The following ANK1 variants were observed in gnomAD, a reference collection of about 807,000 sequenced individuals.
ANK1 encodes ankyrin 1.
A neutral mutation model predicts 210.4 loss-of-function variants in ANK1; 51 were observed. The observed-to-expected ratio is 0.24, with a 90% confidence interval of 0.19 to 0.31. The LOEUF (loss-of-function observed/expected upper bound fraction) is 0.31. Ranked by LOEUF, ANK1 falls within the 10% of genes least tolerant of loss-of-function variation. The pLI, the probability that ANK1 is intolerant of heterozygous loss-of-function variation, is 1.00. For synonymous variants in ANK1, 967 were observed against 1,025.9 expected (o/e 0.94, Z 1.10); for missense variants, 2,051 against 2,504.4 (o/e 0.82, Z 3.86).
intron 37 of ANK1, among the ~76,000 whole-genome samples, chr8:41,682,204 C>G (rs544548797): frequency 6.6e-6 from 1 of 152,154 alleles, no homozygotes; most frequent in Non-Finnish European, 1.5e-5. Flanking sequence ...CCTCCAGCCC[C>G]GTCCTGTGAA....
Position 41,722,599 on chromosome 8 carries a change from A to G in ANK1, c.909+526T>C, listed in dbSNP as rs1829545322. Reference sequence around the variant, plus strand: ...TCTCTGGCCCGTAATGGAACCTGAGAAGAACTGTGTTCTTTTCTTTTTAAC... The same window carrying G: ...TCTCTGGCCCGTAATGGAACCTGAGGAGAACTGTGTTCTTTTCTTTTTAAC... On this transcript the variant is annotated intron_variant, in intron 9 of 42. Transcript: ENST00000289734. Among the ~76,000 whole-genome samples the G allele has an allele frequency of 3.9e-5, 6 of 152,306 alleles. 1 individual carries two copies. The South Asian group carries it at 1.2e-3, about 32-fold the overall frequency.
At position 41,854,403 on chromosome 8, in the gene ANK1, C is replaced by T. The variant is rs574576016; in HGVS notation, c.126+41952G>A. Among the ~76,000 whole-genome samples, 7 of 152,278 alleles carry T rather than the reference C, an allele frequency of 4.6e-5. No individual in the cohort carries two copies. In the East Asian group the frequency reaches 9.7e-4, roughly 21 times the overall value. On this transcript the variant is annotated intron_variant, in intron 1 of 42. Transcript: ENST00000265709. Reference sequence around the variant, plus strand: ...CAATCAAGGAGCCAAATAATTCCAGCGGAACCCTCTATTTCACCTGATTGT... The same window carrying T: ...CAATCAAGGAGCCAAATAATTCCAGTGGAACCCTCTATTTCACCTGATTGT...
At chr8:41,786,360 C>A (rs1273203737) in intron 1 of ANK1, among the ~76,000 whole-genome samples, 1 of 152,208 alleles carries the variant, frequency 6.6e-6, no homozygotes, top group African/African-American at 2.4e-5. Flanking sequence ...CCACCCAGGT[C>A]ACAGTCATAA....
At chr8:41,843,396 C>T (rs991582339) in intron 1 of ANK1, among the ~76,000 whole-genome samples, 1 of 149,202 alleles carries the variant, frequency 6.7e-6, no homozygotes, top group African/African-American at 2.5e-5. Flanking sequence ...CTCTTCATTT[C>T]CCCCCCACCC....
intron 2 of ANK1, among the ~76,000 whole-genome samples, chr8:41,752,233 C>A (rs1324483469): frequency 1.3e-5 from 2 of 152,190 alleles, no homozygotes; most frequent in East Asian, 3.8e-4. Context: ...ATTTCCTTCA[C>A]CAGCATGCAC....
At chr8:41,723,669 T>G in intron 7 of ANK1, 36 bp from the exon 8 acceptor site, 1 of 1,596,448 alleles carries the variant, frequency 6.3e-7, no homozygotes, top group Non-Finnish European at 8.5e-7. Flanking sequence ...GGGCGCGTCA[T>G]CCTTCCCTGG....
In ANK1 at chr8:41,672,565, C is replaced by A. The variant is rs772197636; in HGVS notation, c.4885G>T (p.Asp1629Tyr). 7 of 1,614,130 alleles carry A rather than the reference C, an allele frequency of 4.3e-6. No individual in the cohort carries two copies. In the African/African-American group the frequency reaches 9.3e-5, roughly 22 times the overall value. The change falls in exon 38 of 43, where the codon GAT (aspartate) becomes TAT (tyrosine). Residue 1629 changes from aspartate (D) to tyrosine (Y), a missense_variant. Physicochemically the swap from Asp to Tyr is radical, Grantham distance 160. Transcript: ENST00000289734. ...AAATCGATAAGGCCATTTGTGGCAT[C>A]TGAATCCACTGTGTCGTCCTCCACA... ...ELVEDDTVDS[D>Y]ATNGLIDLLE...
chr8:41,895,168 TTCTC>T (rs1356645279), intron 1 of ANK1, among the ~76,000 whole-genome samples: 2 of 152,164 alleles, frequency 1.3e-5, no homozygotes, highest in African/African-American at 4.8e-5. Flanking sequence ...CCAAACTTCT[TTCTC>T]GGAATGAGAC....
intron 1 of ANK1, among the ~76,000 whole-genome samples, chr8:41,782,906 T>C (rs572108270): frequency 6.6e-6 from 1 of 152,288 alleles, no homozygotes; most frequent in African/African-American, 2.4e-5. Flanking sequence ...CTAACTACTG[T>C]AATCTAAATG....
In ANK1 at chr8:41,770,473, C is replaced by A. The variant is rs540521070; in HGVS notation, c.28-12336G>T. On this transcript the variant is annotated intron_variant, in intron 1 of 42. Transcript: ENST00000289734. ...ACATTCCCAGTCGCATTTTGGTACT[C>A]GGTTCTTATAATTCTTAAGCTGTAT... 5.9e-5 allele frequency among the ~76,000 whole-genome samples: 9 copies of A among 152,318 alleles called. No individual in the cohort carries two copies. The East Asian group carries it at 1.7e-3, about 29-fold the overall frequency.
At chr8:41,692,525 C>T in intron 31 of ANK1, 123 bp downstream of exon 31, 1 of 974,112 alleles carries the variant, frequency 1.0e-6, no homozygotes, top group Middle Eastern at 3.2e-4. Context: ...GTCTCAAAGA[C>T]AGACAGCTGT....
chr8:41,816,658 G>T (rs1248762335), intron 1 of ANK1, among the ~76,000 whole-genome samples: 1 of 152,066 alleles, frequency 6.6e-6, no homozygotes, highest in Non-Finnish European at 1.5e-5. Flanking sequence ...TTGCCCTTCT[G>T]ACCTCAAGCA....
intron 7 of ANK1, 55 bp downstream of exon 7, chr8:41,724,401 G>T: frequency 7.0e-7 from 1 of 1,436,356 alleles, no homozygotes; most frequent in Non-Finnish European, 9.6e-7. Flanking sequence ...CGAGGCAGGA[G>T]CAACTGCCAG....
chr8:41,799,321 G>T (rs13272013), upstream of ANK1, among the ~76,000 whole-genome samples: 46,316 of 152,046 alleles, frequency 0.3, 8,704 homozygotes, highest in Non-Finnish European at 0.41. Context: ...ACTCATGAGG[G>T]GGCAGCGTGG....
At chr8:41,696,868 G>A (rs1354308490) in intron 24 of ANK1, 95 bp from the exon 25 acceptor site, 3 of 1,192,606 alleles carry the variant, frequency 2.5e-6, no homozygotes, top group Non-Finnish European at 3.6e-6. Flanking sequence ...CTTGCCGCTA[G>A]AAACCAGGTG....
chr8:41,888,830 C>T (rs17680269), intron 1 of ANK1, among the ~76,000 whole-genome samples: 37,120 of 152,130 alleles, frequency 0.24, 4,803 homozygotes, highest in African/African-American at 0.27. Flanking sequence ...GGCCCGGCGA[C>T]GGAGTCCTCA....
At chr8:41,896,680 C>T in exon 1 of ANK1, 1 of 581,576 alleles carries the variant, frequency 1.7e-6, no homozygotes, top group South Asian at 7.2e-5. Context: ...CGGCTGCCCG[C>T]GGCCCGGGAT....
chr8:41,790,046 C>T (rs188138573), intron 1 of ANK1, among the ~76,000 whole-genome samples: 1 of 152,268 alleles, frequency 6.6e-6, no homozygotes, highest in East Asian at 1.9e-4. Context: ...TCACCCGCCT[C>T]CAGGTCCACT....
At chr8:41,792,334 G>A (rs1396367257) in intron 1 of ANK1, among the ~76,000 whole-genome samples, 1 of 152,206 alleles carries the variant, frequency 6.6e-6, no homozygotes, top group Admixed American at 6.5e-5. Context: ...TCCGGCAGGG[G>A]TGTCAGGCTG....
Sources: gnomAD v4.1 joint callset for allele counts (sites outside exome capture counted in the v4.1 genomes callset) on GRCh38, gnomAD v4.1.1 for gene constraint, MANE v1.5 for transcripts, NCBI Gene and HGNC (gene_info 2026-07-23, HGNC 2026-07-21) for gene names.